Variants in HPSE2 observed in about 807,000 individuals in gnomAD.
The protein encoded by HPSE2 is inactive heparanase-2.
In HPSE2, 38 loss-of-function variants were observed where a neutral mutation model predicts 60.5. That is an observed-to-expected ratio of 0.63 (90% CI 0.48 to 0.82). The LOEUF (loss-of-function observed/expected upper bound fraction) is 0.82, where lower values mean the gene tolerates loss of function less well. Among genes scored for constraint, HPSE2 ranks in the 40% least tolerant of loss-of-function variants. The probability of loss-of-function intolerance (pLI) is 0.00; values close to 1 mark genes in which losing one functional copy is unlikely to be tolerated. For synonymous variants in HPSE2, 295 were observed against 293.2 expected (o/e 1.01, Z -0.06); for missense variants, 713 against 740.4 (o/e 0.96, Z 0.43).
At chr10:98,684,148 A>AT (rs1947852936) in intron 6 of HPSE2, among the ~76,000 whole-genome samples, 2 of 152,166 alleles carry the variant, frequency 1.3e-5, no homozygotes, top group African/African-American at 4.8e-5. Context: ...TAAACCTCAA[A>AT]AAGGGCACAA....
chr10:99,159,826 G>T (rs1846749666), intron 2 of HPSE2, among the ~76,000 whole-genome samples: 1 of 152,162 alleles, frequency 6.6e-6, no homozygotes, highest in African/African-American at 2.4e-5. Context: ...TTCATCAAGA[G>T]TAAAAGTGTT....
chr10:98,985,043 T>G (rs1022303920), intron 3 of HPSE2, among the ~76,000 whole-genome samples: 2 of 152,138 alleles, frequency 1.3e-5, no homozygotes, highest in African/African-American at 2.4e-5. Context: ...ACAGGGAGAA[T>G]GGAACCAAGT....
At chr10:98,662,145 G>A (rs529482418) in intron 6 of HPSE2, among the ~76,000 whole-genome samples, 21 of 152,012 alleles carry the variant, frequency 1.4e-4, no homozygotes, top group African/African-American at 3.1e-4. Flanking sequence ...TGCCCGCCTC[G>A]GCTTCCCAGA....
chr10:99,092,197 A>C (rs1843538307), intron 3 of HPSE2, among the ~76,000 whole-genome samples: 1 of 152,212 alleles, frequency 6.6e-6, no homozygotes, highest in Non-Finnish European at 1.5e-5. Flanking sequence ...AGTATTTCCC[A>C]AACCTGCATA....
chr10:99,228,378 A>C (rs1332108475), intron 2 of HPSE2, among the ~76,000 whole-genome samples: 1 of 152,216 alleles, frequency 6.6e-6, no homozygotes, highest in African/African-American at 2.4e-5. Context: ...ACATTTTAGA[A>C]ATATTAAGCT....
chr10:98,872,641 A>G (rs1294491601), intron 3 of HPSE2, among the ~76,000 whole-genome samples: 1 of 152,114 alleles, frequency 6.6e-6, no homozygotes, highest in Non-Finnish European at 1.5e-5. Flanking sequence ...TATCACTCAG[A>G]GCAACCAGTG....
At chr10:99,306,850 A>G in the HPSE2 span, among the ~76,000 whole-genome samples, 1 of 152,080 alleles carries the variant, frequency 6.6e-6, no homozygotes, top group Non-Finnish European at 1.5e-5. Flanking sequence ...AGCTGGGATT[A>G]CAGGCATGCG....
chr10:98,895,098 T>A (rs1156432938), intron 3 of HPSE2, among the ~76,000 whole-genome samples: 2 of 152,074 alleles, frequency 1.3e-5, no homozygotes, highest in African/African-American at 4.8e-5. Context: ...TAGGAGTGTT[T>A]ACCATACCAT....
At chr10:98,989,206 T>C (rs1010010502) in intron 3 of HPSE2, among the ~76,000 whole-genome samples, 22 of 152,306 alleles carry the variant, frequency 1.4e-4, no homozygotes, top group Non-Finnish European at 2.5e-4. Context: ...CGTATGTTTA[T>C]TGTGGCACTA....
At chr10:99,216,022 G>A (rs1406196626) in intron 2 of HPSE2, among the ~76,000 whole-genome samples, 2 of 152,128 alleles carry the variant, frequency 1.3e-5, no homozygotes, top group Non-Finnish European at 2.9e-5. Flanking sequence ...TGATAATGTT[G>A]CTGATATTGT....
At chr10:99,116,621 A>G (rs923012877) in intron 3 of HPSE2, among the ~76,000 whole-genome samples, 1 of 152,222 alleles carries the variant, frequency 6.6e-6, no homozygotes, top group Non-Finnish European at 1.5e-5. Context: ...CGAACCTGCC[A>G]ACCTCATCTC....
At chr10:98,760,065 TATC>T (rs1227454043) in intron 3 of HPSE2, among the ~76,000 whole-genome samples, 1 of 152,062 alleles carries the variant, frequency 6.6e-6, no homozygotes, top group Non-Finnish European at 1.5e-5. Context: ...TTTTAAAAAA[TATC>T]ATTTTCAGAT....
the HPSE2 span, among the ~76,000 whole-genome samples, chr10:99,255,192 C>A: frequency 6.6e-6 from 1 of 152,086 alleles, no homozygotes; most frequent in Admixed American, 6.6e-5. Context: ...AATATTTAGA[C>A]GTCTATCAAA....
intron 3 of HPSE2, among the ~76,000 whole-genome samples, chr10:98,966,208 G>A (rs929498957): frequency 6.6e-6 from 1 of 152,162 alleles, no homozygotes. Context: ...CCTCTTTGAT[G>A]AGGACTGAGT....
chr10:98,487,687 A>G (rs544732061), intron 10 of HPSE2, among the ~76,000 whole-genome samples: 3 of 152,310 alleles, frequency 2.0e-5, no homozygotes, highest in South Asian at 2.1e-4. Context: ...CTTCTCCCCA[A>G]TCCCTGTTTT....
In HPSE2 at chr10:98,458,829, G is replaced by A. The variant is rs1238085279; in HGVS notation, c.*745C>T. On this transcript the variant is annotated 3_prime_UTR_variant, in exon 12 of 12. Transcript: ENST00000370552. ...CTCCACTCAATGAATATTGTTACTT[G>A]ACTCCCATTACAACTCTGGGGGAAT... The A allele has an allele frequency of 1.3e-5, 2 of 153,908 alleles. No individual in the cohort carries two copies. Among genetic ancestry groups the A allele is most frequent in the African/African-American group, 4.8e-5 (2 of 41,404 alleles). The allele number at this position is 153,908 out of a possible 1,614,324, so 9.5% of individuals were successfully genotyped here.
chr10:98,716,040 T>C (rs1948781248), intron 5 of HPSE2, among the ~76,000 whole-genome samples: 1 of 152,082 alleles, frequency 6.6e-6, no homozygotes. Flanking sequence ...ACTAAGTTTA[T>C]GTAATATTCT....
At chr10:98,496,916 C>T (rs1241698823) in intron 9 of HPSE2, among the ~76,000 whole-genome samples, 1 of 151,902 alleles carries the variant, frequency 6.6e-6, no homozygotes, top group African/African-American at 2.4e-5. Flanking sequence ...TAGGAAAACA[C>T]ATCAATATTT....
At chr10:99,217,843 C>T (rs1849183856) in intron 2 of HPSE2, among the ~76,000 whole-genome samples, 1 of 152,100 alleles carries the variant, frequency 6.6e-6, no homozygotes, top group South Asian at 2.1e-4. Context: ...GGCTTAGCCT[C>T]ACAACGTTTT....
Sources: allele counts gnomAD v4.1 joint callset (sites outside exome capture counted in the v4.1 genomes callset), GRCh38; gene constraint gnomAD v4.1.1; transcripts MANE v1.5; gene names NCBI Gene and HGNC (gene_info 2026-07-23, HGNC 2026-07-21).